COL24A1: variants seen among roughly 807,000 people sequenced by gnomAD.
COL24A1 encodes the protein collagen alpha-1(XXIV) chain.
In COL24A1, 224 loss-of-function variants were observed where a neutral mutation model predicts 253.9. The ratio of observed to expected loss-of-function variants is 0.88; its 90% confidence interval spans 0.79 to 0.99. COL24A1 has a LOEUF of 0.99. Among genes scored for constraint, COL24A1 ranks in the 50% least tolerant of loss-of-function variants. The probability of loss-of-function intolerance (pLI) is 0.00; values close to 1 mark genes in which losing one functional copy is unlikely to be tolerated. For synonymous variants in COL24A1, 685 were observed against 673.7 expected (o/e 1.02, Z -0.26); for missense variants, 2,131 against 2,068.5 (o/e 1.03, Z -0.59).
chr1:85,843,956 G>T (rs1218730101), intron 39 of COL24A1, among the ~76,000 whole-genome samples: 1 of 152,032 alleles, frequency 6.6e-6, no homozygotes, highest in Non-Finnish European at 1.5e-5. Context: ...TAAGTGGGGA[G>T]AAAATGTGAT....
At chr1:85,920,137 T>C (rs1686301259) in intron 24 of COL24A1, among the ~76,000 whole-genome samples, 1 of 152,156 alleles carries the variant, frequency 6.6e-6, no homozygotes. Flanking sequence ...CAAAATCCAG[T>C]AAATTGGAAT....
At chr1:86,035,436 T>C (rs1196324745) in intron 12 of COL24A1, among the ~76,000 whole-genome samples, 1 of 152,146 alleles carries the variant, frequency 6.6e-6, no homozygotes, top group Non-Finnish European at 1.5e-5. Context: ...AGATCATTAG[T>C]AGGTTTTCCA....
At chr1:85,872,472 G>C (rs1680636222) in intron 35 of COL24A1, among the ~76,000 whole-genome samples, 1 of 150,302 alleles carries the variant, frequency 6.7e-6, no homozygotes, top group Admixed American at 6.6e-5. Flanking sequence ...AACCAAAACA[G>C]CTGGTACCAA....
At chr1:86,043,785 C>T (rs904134013) in intron 12 of COL24A1, among the ~76,000 whole-genome samples, 7 of 152,282 alleles carry the variant, frequency 4.6e-5, no homozygotes, top group African/African-American at 1.7e-4. Flanking sequence ...CTCGGCCCCC[C>T]AAAGCACTGG....
intron 5 of COL24A1, among the ~76,000 whole-genome samples, chr1:86,104,495 T>C (rs900656684): frequency 5.9e-5 from 9 of 152,246 alleles, no homozygotes; most frequent in African/African-American, 2.2e-4. Flanking sequence ...TTCTTTCTCA[T>C]CTTTGTGGGC....
At position 85,907,265 on chromosome 1, in the gene COL24A1, A is replaced by G. The variant is rs555872409; in HGVS notation, c.2725-18T>C. The G allele has an allele frequency of 2.9e-5, 47 of 1,604,088 alleles. No individual in the cohort carries two copies. The South Asian group carries it at 5.2e-4, about 18-fold the overall frequency. On this transcript the variant is annotated intron_variant, in intron 27 of 59. Coordinates refer to ENST00000370571, the MANE Select transcript of COL24A1 (RefSeq NM_152890.7). ...ACATGACCCTATATGTTGTAAATTT[A>G]AAGTCAGTTGTAGAATTTACAAGAA...
chr1:86,008,494 C>G (rs900210053), intron 19 of COL24A1, among the ~76,000 whole-genome samples: 2 of 152,064 alleles, frequency 1.3e-5, no homozygotes, highest in Admixed American at 6.6e-5. Flanking sequence ...CAATCCCCGG[C>G]CTATTTCTTT....
chr1:85,990,530 C>T (rs1003108451), intron 19 of COL24A1, among the ~76,000 whole-genome samples: 1 of 152,304 alleles, frequency 6.6e-6, no homozygotes, highest in African/African-American at 2.4e-5. Flanking sequence ...AATGCTTGCT[C>T]ACCTGCCACT....
chr1:85,800,136 T>C (rs1345996491), intron 47 of COL24A1, among the ~76,000 whole-genome samples: 2 of 152,174 alleles, frequency 1.3e-5, no homozygotes, highest in Non-Finnish European at 2.9e-5. Flanking sequence ...TACTCAGATT[T>C]TCCCTTCCCT....
chr1:86,087,420 T>A (rs993925884), intron 7 of COL24A1, among the ~76,000 whole-genome samples: 1 of 152,210 alleles, frequency 6.6e-6, no homozygotes, highest in Admixed American at 6.5e-5. Flanking sequence ...AATGATAATC[T>A]GCTCTAATGG....
intron 19 of COL24A1, among the ~76,000 whole-genome samples, chr1:86,014,493 TA>T (rs1403435957): frequency 6.6e-6 from 1 of 152,178 alleles, no homozygotes; most frequent in Non-Finnish European, 1.5e-5. Context: ...GCTTTAGGCC[TA>T]CAGTTTTAAG....
intron 6 of COL24A1, among the ~76,000 whole-genome samples, chr1:86,090,973 G>T (rs928009672): frequency 5.3e-5 from 8 of 151,914 alleles, no homozygotes; most frequent in Admixed American, 2.0e-4. Context: ...TAATCTAGGG[G>T]TTTTACTTAA....
chr1:85,764,462 AC>A (rs1667157247), intron 53 of COL24A1, among the ~76,000 whole-genome samples: 1 of 5,852 alleles, frequency 1.7e-4, no homozygotes, highest in Non-Finnish European at 5.1e-4. Context: ...GGATACACAC[AC>A]ACACACACAC....
At chr1:85,991,906 A>T (rs533713041) in intron 19 of COL24A1, among the ~76,000 whole-genome samples, 67 of 149,438 alleles carry the variant, frequency 4.5e-4, no homozygotes, top group African/African-American at 1.4e-3. Context: ...TATTTATTTT[A>T]TTATTTTATT....
chr1:86,110,738 T>C (rs77378130), intron 5 of COL24A1, among the ~76,000 whole-genome samples: 22,257 of 151,962 alleles, frequency 0.15, 1,767 homozygotes, highest in South Asian at 0.24. Context: ...GGCCCGCCCG[T>C]GCTGCGCTCG....
chr1:86,014,578 T>C (rs1696825622), intron 19 of COL24A1, among the ~76,000 whole-genome samples: 1 of 150,936 alleles, frequency 6.6e-6, no homozygotes, highest in Non-Finnish European at 1.5e-5. Context: ...AAAACATTAT[T>C]TCCTGCCACT....
chr1:86,020,477 C>G (rs1009962248), intron 18 of COL24A1, among the ~76,000 whole-genome samples: 2 of 152,096 alleles, frequency 1.3e-5, no homozygotes, highest in Non-Finnish European at 2.9e-5. Flanking sequence ...CTTTGTCTCT[C>G]TAGCCAATGA....
intron 2 of COL24A1, among the ~76,000 whole-genome samples, chr1:86,139,806 T>C (rs1650818497): frequency 6.6e-6 from 1 of 152,150 alleles, no homozygotes. Context: ...CAAATGAGAA[T>C]GATTATAGAC....
At chr1:85,777,653 G>C (rs926042050) in intron 52 of COL24A1, among the ~76,000 whole-genome samples, 1 of 151,910 alleles carries the variant, frequency 6.6e-6, no homozygotes, top group Non-Finnish European at 1.5e-5. Flanking sequence ...TTAGTGTATT[G>C]GGTGCTTTTA....
Sources: allele counts gnomAD v4.1 joint callset (sites outside exome capture counted in the v4.1 genomes callset), GRCh38; gene constraint gnomAD v4.1.1; transcripts MANE v1.5; gene names NCBI Gene and HGNC (gene_info 2026-07-23, HGNC 2026-07-21).